UBE2K: variants seen among roughly 807,000 people sequenced by gnomAD.
UBE2K encodes ubiquitin conjugating enzyme E2 K.
In UBE2K, 6 loss-of-function variants were observed where a neutral mutation model predicts 30.0. The ratio of observed to expected loss-of-function variants is 0.20; its 90% CI spans 0.11 to 0.39. The LOEUF (loss-of-function observed/expected upper bound fraction) is 0.39, where lower values mean the gene tolerates loss of function less well. UBE2K is among the 10% of genes least tolerant of loss of function. UBE2K has a pLI of 1.00. For missense variants in UBE2K, 61 were observed against 241.6 expected, an observed-to-expected ratio of 0.25 and a Z score of 4.96; for synonymous variants, 86 against 83.7, an observed-to-expected ratio of 1.03 and a Z score of -0.15.
chr4:39,702,660 A>G (rs1718102787), intron 1 of UBE2K, among the ~76,000 whole-genome samples: 1 of 152,006 alleles, frequency 6.6e-6, no homozygotes, highest in Admixed American at 6.6e-5. Flanking sequence ...ATTTAAATAG[A>G]TTTTTGTGTC....
chr4:39,749,924 C>T (rs1404770427), intron 3 of UBE2K, among the ~76,000 whole-genome samples: 2 of 152,098 alleles, frequency 1.3e-5, no homozygotes, highest in African/African-American at 2.4e-5. Context: ...TACGGCCAGG[C>T]GCGGTGGCTC....
In UBE2K at chr4:39,779,778, A is replaced by G. The variant is rs930441717; in HGVS notation, c.*1344A>G. The stretch of plus-strand genomic sequence containing the variant: ...TTCTTTTTAAATTTTTAGGACCAAT[A>G]CAAAATAACAAAAATGTAATGGAAT... On this transcript the variant is annotated 3_prime_UTR_variant, in exon 7 of 7. Transcript: ENST00000261427. The G allele has an allele frequency of 2.0e-5, 3 of 152,194 alleles. No individual in the cohort carries two copies. Among genetic ancestry groups the G allele is most frequent in the African/African-American group, 4.8e-5 (2 of 41,466 alleles). 9.4% of individuals were successfully genotyped at this position (152,194 alleles called of 1,614,324 possible). A position where few individuals can be genotyped will look rare whatever the true frequency, so the allele number is the denominator to read the frequency against.
At chr4:39,763,729 A>G (rs1272991421) in intron 4 of UBE2K, among the ~76,000 whole-genome samples, 2 of 152,080 alleles carry the variant, frequency 1.3e-5, no homozygotes, top group African/African-American at 4.8e-5. Context: ...AACTATATCA[A>G]TAGGTTTTGT....
At chr4:39,706,282 C>T (rs560974558) in intron 1 of UBE2K, among the ~76,000 whole-genome samples, 4 of 151,956 alleles carry the variant, frequency 2.6e-5, no homozygotes, top group African/African-American at 9.7e-5. Flanking sequence ...TCCCAAAGTG[C>T]TGGGATTACA....
At chr4:39,716,439 G>A (rs1337474780) in intron 1 of UBE2K, among the ~76,000 whole-genome samples, 1 of 152,186 alleles carries the variant, frequency 6.6e-6, no homozygotes, top group Admixed American at 6.5e-5. Flanking sequence ...TGTGGAGACA[G>A]GGTTTTGCCA....
intron 1 of UBE2K, among the ~76,000 whole-genome samples, chr4:39,703,358 A>G (rs1368202152): frequency 6.6e-6 from 1 of 151,924 alleles, no homozygotes; most frequent in Non-Finnish European, 1.5e-5. Flanking sequence ...CTAACATTTA[A>G]AAAAAATCAG....
chr4:39,763,482 C>T (rs910555441), intron 4 of UBE2K, among the ~76,000 whole-genome samples: 2 of 151,894 alleles, frequency 1.3e-5, no homozygotes, highest in Non-Finnish European at 2.9e-5. Context: ...AACTCCCAAC[C>T]TCGGATCATC....
Position 39,778,566 on chromosome 4 carries a change from G to A in UBE2K, c.*132G>A. ...CTAATGATGTTATCTAGGCACCATT[G>A]GAGACTGAAAAAAAAAAATCCCTGC... On this transcript the variant is annotated 3_prime_UTR_variant, in exon 7 of 7. Transcript: ENST00000261427. 1 of 499,566 alleles carries A rather than the reference G, an allele frequency of 2.0e-6. No individual in the cohort carries two copies. Among genetic ancestry groups the A allele is most frequent in the Admixed American group, 3.8e-5 (1 of 26,380 alleles). The allele number at this position is 499,566 out of a possible 1,614,324, so 30.9% of individuals were successfully genotyped here.
chr4:39,768,359 A>G, intron 4 of UBE2K, among the ~76,000 whole-genome samples: 1 of 149,658 alleles, frequency 6.7e-6, no homozygotes, highest in Non-Finnish European at 1.5e-5. Flanking sequence ...AGGCAGAAGA[A>G]TTGCTTGAAC....
At chr4:39,762,720 C>T (rs537435625) in intron 4 of UBE2K, among the ~76,000 whole-genome samples, 12 of 152,298 alleles carry the variant, frequency 7.9e-5, no homozygotes, top group Admixed American at 4.6e-4. Flanking sequence ...CTGCAGCCTC[C>T]GCCTGCTGGG....
At chr4:39,776,939 G>A (rs1189740856) in intron 5 of UBE2K, among the ~76,000 whole-genome samples, 1 of 152,074 alleles carries the variant, frequency 6.6e-6, no homozygotes, top group Non-Finnish European at 1.5e-5. Flanking sequence ...TCCTTGTGAT[G>A]AATAAGTGGT....
At chr4:39,774,769 G>A in intron 4 of UBE2K, 65 bp from the exon 5 acceptor site, 1 of 964,220 alleles carries the variant, frequency 1.0e-6, no homozygotes, top group Non-Finnish European at 1.4e-6. Context: ...TTTTTATTAA[G>A]AAAATACTTT....
At chr4:39,771,120 G>T (rs1300591184) in intron 4 of UBE2K, 3 of 1,612,336 alleles carry the variant, frequency 1.9e-6, no homozygotes, top group African/African-American at 2.7e-5. Context: ...GGTAGGAGGT[G>T]GCTGTAAGAT....
intron 3 of UBE2K, among the ~76,000 whole-genome samples, chr4:39,755,350 G>A (rs896818493): frequency 6.6e-6 from 1 of 152,096 alleles, no homozygotes; most frequent in Non-Finnish European, 1.5e-5. Context: ...TACCAAAATG[G>A]ATTTTATTCT....
At chr4:39,741,139 C>T (rs1344444873) in intron 2 of UBE2K, among the ~76,000 whole-genome samples, 2 of 151,242 alleles carry the variant, frequency 1.3e-5, no homozygotes, top group South Asian at 2.1e-4. Flanking sequence ...GGTGTGGTGG[C>T]GTGCGCCTAT....
rs150681560 is a variant in UBE2K, at chr4:39,713,389, C to T, written c.63+14999C>T. ...TTAGCCAGGCTGGTCTCTTCCTGAC[C>T]TCAGGCAATCTGCCCATCTCGGCAT... is the stretch of plus-strand genomic sequence containing the variant. On this transcript the variant is annotated intron_variant, in intron 1 of 6. Coordinates refer to ENST00000261427, the MANE Select transcript of UBE2K (RefSeq NM_005339.5). Among the ~76,000 whole-genome samples, 1,094 of 142,302 alleles carry T rather than the reference C, an allele frequency of 7.7e-3. 12 individuals carry two copies. Among genetic ancestry groups the T allele is most frequent in the African/African-American group, 0.027 (1,035 of 37,876 alleles). 93.4% of individuals were successfully genotyped at this position (142,302 alleles called of 152,430 possible).
chr4:39,705,521 C>T lies in UBE2K; in HGVS notation c.63+7131C>T, dbSNP rs138673950. Reference sequence around the variant, plus strand: ...GCCAAGACTATATACTCTTATTTCCCGTGAATACATTATTGACAGTTATTG... The same window carrying T: ...GCCAAGACTATATACTCTTATTTCCTGTGAATACATTATTGACAGTTATTG... On this transcript the variant is annotated intron_variant, in intron 1 of 6. Transcript: ENST00000261427. 3.1e-3 allele frequency among the ~76,000 whole-genome samples: 464 copies of T among 151,882 alleles called. 11 individuals carry two copies. The highest frequency in any genetic ancestry group is 0.022 in the East Asian group (116 of 5,166).
intron 1 of UBE2K, among the ~76,000 whole-genome samples, chr4:39,718,441 G>A (rs1719228167): frequency 6.6e-6 from 1 of 152,250 alleles, no homozygotes; most frequent in African/African-American, 2.4e-5. Context: ...CAGGAGCCCA[G>A]CTGGCCTCAC....
At chr4:39,722,461 A>G (rs927886994) in intron 1 of UBE2K, among the ~76,000 whole-genome samples, 4 of 152,160 alleles carry the variant, frequency 2.6e-5, no homozygotes, top group Non-Finnish European at 4.4e-5. Context: ...TTTCTTTGTA[A>G]AGGTACATTT....
Sources: gnomAD v4.1 joint callset for allele counts (sites outside exome capture counted in the v4.1 genomes callset) on GRCh38, gnomAD v4.1.1 for gene constraint, MANE v1.5 for transcripts, NCBI Gene and HGNC (gene_info 2026-07-23, HGNC 2026-07-21) for gene names.